The following WWC2 variants were observed in gnomAD, a reference collection of about 807,000 sequenced individuals.
WWC2 encodes the protein WW and C2 domain containing 2.
In WWC2, 101 loss-of-function variants were observed where a neutral mutation model predicts 138.5. The observed-to-expected ratio is 0.73, with a 90% confidence interval of 0.62 to 0.86. The LOEUF (loss-of-function observed/expected upper bound fraction) is 0.86, where lower values mean the gene tolerates loss of function less well. WWC2 is among the 40% of genes least tolerant of loss of function. WWC2 has a pLI of 0.00. For synonymous variants in WWC2, 558 were observed against 538.4 expected (o/e 1.04, Z -0.50); for missense variants, 1,420 against 1,419.4 (o/e 1.00, Z -0.01).
chr4:183,228,981 C>T (rs1280991976), intron 4 of WWC2, among the ~76,000 whole-genome samples: 1 of 152,012 alleles, frequency 6.6e-6, no homozygotes, highest in Admixed American at 6.5e-5. Context: ...TGTATGAGTC[C>T]ACTTATATTA....
At position 183,253,795 on chromosome 4, in the gene WWC2, G is replaced by C; in HGVS notation, c.992G>C (p.Ser331Thr). ...NLKIELSKLD[S>T]EAWPGALDIE... is the part of the protein sequence containing the mutation. ...AAAATTGAACTGTCAAAATTGGACAGTGAGGCCTGGCCTGGGGCACTGGAT... is the reference window on the plus strand; with the variant it reads ...AAAATTGAACTGTCAAAATTGGACACTGAGGCCTGGCCTGGGGCACTGGAT... The change falls in exon 9 of 23, where the codon AGT becomes ACT. Residue 331 changes from serine (S) to threonine (T), a missense_variant. By Grantham distance (58) the Ser-to-Thr change is moderately conservative. Coordinates refer to ENST00000403733, the MANE Select transcript of WWC2 (RefSeq NM_024949.6). 1 of 1,613,452 alleles carries C rather than the reference G, an allele frequency of 6.2e-7. No homozygotes were observed. Among genetic ancestry groups the C allele is most frequent in the East Asian group, 2.2e-5 (1 of 44,868 alleles).
In WWC2 at chr4:183,200,616, T is replaced by C. The variant is rs537857789; in HGVS notation, c.241+6908T>C. Among the ~76,000 whole-genome samples, 4 of 152,316 alleles carry C rather than the reference T, an allele frequency of 2.6e-5. No individual in the cohort carries two copies. In the South Asian group the frequency reaches 8.3e-4, roughly 32 times the overall value. On this transcript the variant is annotated intron_variant, in intron 2 of 22. Transcript: ENST00000403733. ...AGCCAGGCTGCAGTCATCTCAAGGC[T>C]GACTGGAGAAAGATTTGCTTCCAAG...
chr4:183,111,285 G>C (rs866278097), intron 1 of WWC2, among the ~76,000 whole-genome samples: 2 of 152,132 alleles, frequency 1.3e-5, no homozygotes, highest in East Asian at 3.9e-4. Context: ...TGTAGAATAC[G>C]TTGCATACTT....
chr4:183,161,324 G>T (rs146035592), intron 1 of WWC2, among the ~76,000 whole-genome samples: 114 of 152,258 alleles, frequency 7.5e-4, no homozygotes, highest in African/African-American at 2.6e-3. Flanking sequence ...AGCTTTTAAG[G>T]CCTGTTATCT....
At chr4:183,155,189 GGAGAGAGAGAGA>G (rs770609371) in intron 1 of WWC2, among the ~76,000 whole-genome samples, 2 of 103,662 alleles carry the variant, frequency 1.9e-5, no homozygotes, top group Non-Finnish European at 2.0e-5. Context: ...CATCTTCTGA[GGAGAGAGAGAGA>G]GAGAGAGAGA....
At chr4:183,233,837 T>C (rs1358837797) in intron 4 of WWC2, 1 of 152,198 alleles carries the variant, frequency 6.6e-6, no homozygotes, top group Non-Finnish European at 1.5e-5. Flanking sequence ...GGATTTTCAG[T>C]AAGGTGGAAG....
intron 5 of WWC2, among the ~76,000 whole-genome samples, chr4:183,241,611 C>T (rs1211484996): frequency 6.6e-6 from 1 of 152,176 alleles, no homozygotes; most frequent in Non-Finnish European, 1.5e-5. Flanking sequence ...AATAATGTTT[C>T]TAGTCTCTAT....
chr4:183,255,223 T>C (rs1407814748), intron 9 of WWC2, among the ~76,000 whole-genome samples: 1 of 152,204 alleles, frequency 6.6e-6, no homozygotes. Flanking sequence ...TCTTCCCTTC[T>C]TGTTCTGGCT....
At chr4:183,286,330 C>A (rs1738250977) in intron 20 of WWC2, among the ~76,000 whole-genome samples, 1 of 152,096 alleles carries the variant, frequency 6.6e-6, no homozygotes, top group Admixed American at 6.5e-5. Context: ...GCCTTCTGAG[C>A]CTGCAGGGGT....
At chr4:183,139,462 T>A (rs1733227025) in intron 1 of WWC2, among the ~76,000 whole-genome samples, 1 of 152,160 alleles carries the variant, frequency 6.6e-6, no homozygotes, top group African/African-American at 2.4e-5. Flanking sequence ...GGCTCTTTCT[T>A]TTCCATCTCA....
At chr4:183,165,847 A>T (rs1176034133) in intron 1 of WWC2, among the ~76,000 whole-genome samples, 2 of 152,222 alleles carry the variant, frequency 1.3e-5, no homozygotes, top group African/African-American at 4.8e-5. Flanking sequence ...ATTTTTAAAA[A>T]ATGCTTTTGT....
intron 1 of WWC2, among the ~76,000 whole-genome samples, chr4:183,174,942 T>C (rs1247922441): frequency 2.0e-5 from 3 of 152,158 alleles, no homozygotes; most frequent in Admixed American, 2.0e-4. Flanking sequence ...ACAGATATTA[T>C]GACCCGTCAC....
intron 1 of WWC2, among the ~76,000 whole-genome samples, chr4:183,120,016 T>C (rs886777055): frequency 1.3e-5 from 2 of 152,226 alleles, no homozygotes; most frequent in African/African-American, 4.8e-5. Flanking sequence ...ATGGAAATCA[T>C]TTAAACAGCT....
intron 1 of WWC2, among the ~76,000 whole-genome samples, chr4:183,175,376 C>T (rs1734434757): frequency 6.6e-6 from 1 of 152,082 alleles, no homozygotes. Context: ...ATCCTCCCAC[C>T]TCAGTCTCCC....
intron 1 of WWC2, among the ~76,000 whole-genome samples, chr4:183,152,380 T>G (rs561723660): frequency 2.0e-5 from 3 of 152,132 alleles, no homozygotes; most frequent in Admixed American, 1.3e-4. Context: ...GTGCTTGTAC[T>G]TCCAGCTACT....
intron 4 of WWC2, among the ~76,000 whole-genome samples, chr4:183,216,864 A>G (rs1735774077): frequency 6.6e-6 from 1 of 152,208 alleles, no homozygotes; most frequent in African/African-American, 2.4e-5. Context: ...CTTTGACTGA[A>G]TACTGATTGA....
chr4:183,291,722 A>G (rs1738457140), intron 21 of WWC2, among the ~76,000 whole-genome samples: 1 of 152,222 alleles, frequency 6.6e-6, no homozygotes, highest in East Asian at 1.9e-4. Flanking sequence ...TTTACTTAAT[A>G]TCATAACGCA....
chr4:183,291,681 A>G (rs773084144), intron 21 of WWC2, among the ~76,000 whole-genome samples: 4 of 152,220 alleles, frequency 2.6e-5, no homozygotes, highest in Non-Finnish European at 4.4e-5. Flanking sequence ...CTAGATATCA[A>G]TAATTACTAA....
At chr4:183,245,060 T>C (rs923540327) in intron 5 of WWC2, among the ~76,000 whole-genome samples, 14 of 151,426 alleles carry the variant, frequency 9.2e-5, no homozygotes, top group African/African-American at 3.4e-4. Flanking sequence ...AACCCCGTCT[T>C]TACCAAAAAT....
Sources: gnomAD v4.1 joint callset for allele counts (sites outside exome capture counted in the v4.1 genomes callset) on GRCh38, gnomAD v4.1.1 for gene constraint, MANE v1.5 for transcripts, NCBI Gene and HGNC (gene_info 2026-07-23, HGNC 2026-07-21) for gene names.